Variants in MDM4 observed in about 807,000 individuals in gnomAD.
MDM4 encodes MDM4 regulator of p53, also known as protein Mdm4.
In MDM4, 2 loss-of-function variants were observed where a neutral mutation model predicts 60.2. The ratio of observed to expected loss-of-function variants is 0.03; its 90% confidence interval spans 0.01 to 0.10. The LOEUF is 0.10. MDM4 is among the 10% of genes least tolerant of loss of function. The pLI, the probability that MDM4 is intolerant of heterozygous loss-of-function variation, is 1.00. For synonymous variants in MDM4, 202 were observed against 198.1 expected, an observed-to-expected ratio of 1.02 and a Z score of -0.17; for missense variants, 447 against 577.5, an observed-to-expected ratio of 0.77 and a Z score of 2.32.
At position 204,550,219 on chromosome 1, in the gene MDM4, A is replaced by G. The variant is rs1056941939; in HGVS notation, c.*537A>G. 4.3e-6 allele frequency: 1 copy of G among 232,396 alleles called. No homozygotes were observed. The highest frequency in any genetic ancestry group is 8.5e-6 in the Non-Finnish European group (1 of 118,076). 14.4% of individuals were successfully genotyped at this position (232,396 alleles called of 1,614,324 possible). A position where few individuals can be genotyped will look rare whatever the true frequency, so the allele number is the denominator to read the frequency against. ...TGTCTTGTTCTGTCTCCCAGGCTGA[A>G]GTGCAGTGCAGTGGTATGATCATGG... On this transcript the variant is annotated 3_prime_UTR_variant, in exon 11 of 11. Coordinates refer to ENST00000367182, the MANE Select transcript of MDM4 (RefSeq NM_002393.5).
At chr1:204,528,285 A>G (rs2045623) in intron 3 of MDM4, among the ~76,000 whole-genome samples, 89,117 of 152,046 alleles carry the variant, frequency 0.59, 28,384 homozygotes, top group Non-Finnish European at 0.7. Flanking sequence ...TGCCCAGGGA[A>G]CAGATTTGTC....
intron 9 of MDM4, among the ~76,000 whole-genome samples, chr1:204,545,919 GT>G (rs1662611821): frequency 6.6e-6 from 1 of 151,960 alleles, no homozygotes; most frequent in Non-Finnish European, 1.5e-5. Context: ...TTCATAATTG[GT>G]TTTATTCTTT....
intron 7 of MDM4, among the ~76,000 whole-genome samples, chr1:204,541,694 G>T (rs1237295102): frequency 6.6e-6 from 1 of 152,008 alleles, no homozygotes; most frequent in Non-Finnish European, 1.5e-5. Flanking sequence ...CTTTAATATG[G>T]CACCATTTCA....
In MDM4 at chr1:204,546,815, AATG is replaced by A; in HGVS notation, c.846_848del (p.Asp283del). 1 of 1,612,886 alleles carries A rather than the reference AATG, an allele frequency of 6.2e-7. No individual in the cohort carries two copies. The highest frequency in any genetic ancestry group is 8.5e-7 in the Non-Finnish European group (1 of 1,179,074). On this transcript the variant is annotated inframe_deletion, in exon 10 of 11. Coordinates refer to ENST00000367182, the MANE Select transcript of MDM4 (RefSeq NM_002393.5). Reference sequence around the variant, plus strand: ...TTCACAGGTGATTGAAGTGGGAAAAAATGATGACCTGGAGGACTCTAAGTCCTT... The same window carrying A: ...TTCACAGGTGATTGAAGTGGGAAAAAATGACCTGGAGGACTCTAAGTCCTT...
chr1:204,537,007 C>A, intron 5 of MDM4: 1 of 306,456 alleles, frequency 3.3e-6, no homozygotes, highest in Non-Finnish European at 6.4e-6. Context: ...TATGACTTAA[C>A]ACTTGAAAGT....
Position 204,551,743 on chromosome 1 carries a change from G to C in MDM4, c.*2061G>C, listed in dbSNP as rs1158119222. 2 of 228,984 alleles carry C rather than the reference G, an allele frequency of 8.7e-6. No individual in the cohort carries two copies. The allele number at this position is 228,984 out of a possible 1,614,324, so 14.2% of individuals were successfully genotyped here. On this transcript the variant is annotated 3_prime_UTR_variant, in exon 11 of 11. Coordinates refer to ENST00000367182, the MANE Select transcript of MDM4 (RefSeq NM_002393.5). ...ACTTAAGGATCATAAAAATCATGAG[G>C]GTTGCTTGTTAAAAATGTCCAAACG... is the stretch of plus-strand genomic sequence containing the variant.
At chr1:204,541,159 G>A (rs1662030170) in intron 7 of MDM4, among the ~76,000 whole-genome samples, 1 of 151,934 alleles carries the variant, frequency 6.6e-6, no homozygotes, top group African/African-American at 2.4e-5. Flanking sequence ...ACATGGCTGG[G>A]CACTGTTAGA....
intron 7 of MDM4, among the ~76,000 whole-genome samples, chr1:204,539,702 A>G (rs1439520756): frequency 5.9e-5 from 9 of 151,692 alleles, no homozygotes; most frequent in Non-Finnish European, 1.2e-4. Flanking sequence ...ACGCCCAGCT[A>G]ATTTTTGTAT....
intron 7 of MDM4, among the ~76,000 whole-genome samples, chr1:204,540,426 G>C (rs1661944938): frequency 1.3e-5 from 2 of 152,042 alleles, no homozygotes; most frequent in South Asian, 4.2e-4. Context: ...ATATGTTGTG[G>C]TCAGGCTAAT....
rs190074182 is a variant in MDM4 at position 204,553,341 on chromosome 1, G to A, written c.*3659G>A. The A allele has an allele frequency of 3.0e-4, 67 of 221,322 alleles. No individual in the cohort carries two copies. Among genetic ancestry groups the A allele is most frequent in the African/African-American group, 1.4e-3 (64 of 44,956 alleles). The allele number at this position is 221,322 out of a possible 1,614,324, so 13.7% of individuals were successfully genotyped here. On this transcript the variant is annotated 3_prime_UTR_variant, in exon 11 of 11. Coordinates refer to ENST00000367182, the MANE Select transcript of MDM4 (RefSeq NM_002393.5). ...AAATACTGACATTTACCTTTTAGCT[G>A]TAGTTATTGGGACCATGTGCTCTGG...
chr1:204,537,873 C>G (rs534230866), intron 6 of MDM4: 1 of 672,030 alleles, frequency 1.5e-6, no homozygotes, highest in African/African-American at 1.8e-5. Flanking sequence ...ACTTTATAGT[C>G]ATCTTGGTAC....
chr1:204,526,706 A>C (rs897759069), intron 3 of MDM4, among the ~76,000 whole-genome samples: 18 of 152,040 alleles, frequency 1.2e-4, no homozygotes, highest in African/African-American at 4.3e-4. Flanking sequence ...CTCATGATCC[A>C]TCCGCCTTGG....
In MDM4 at chr1:204,526,355, A is replaced by G. The variant is rs1489736185; in HGVS notation, c.79-5A>G. The G allele has an allele frequency of 8.1e-6, 13 of 1,611,290 alleles. No homozygotes were observed. The highest frequency in any genetic ancestry group is 1.7e-4 in the Middle Eastern group (1 of 6,054). ...AATAGCACATTTATTTTATGTTTAT[A>G]TCAGGTACGACCAAAACTGCCGCTT... On this transcript the variant is annotated splice_region_variant and splice_polypyrimidine_tract_variant and intron_variant, in intron 2 of 10. Transcript: ENST00000367182.
In MDM4 at chr1:204,528,874, C is replaced by T. The variant is rs899873086; in HGVS notation, c.154-1810C>T. 5.1e-5 allele frequency: 81 copies of T among 1,588,132 alleles called. 1 individual carries two copies. The South Asian group carries it at 6.0e-4, about 12-fold the overall frequency. Reference sequence around the variant, plus strand: ...AGCATCCGAGCTGTCATGGTGACGACGTCCTTGAAGCTGAGCCGAATGTTG... The same window carrying T: ...AGCATCCGAGCTGTCATGGTGACGATGTCCTTGAAGCTGAGCCGAATGTTG... On this transcript the variant is annotated intron_variant, in intron 3 of 10. Coordinates refer to ENST00000367182, the MANE Select transcript of MDM4 (RefSeq NM_002393.5).
chr1:204,519,780 G>A (rs1415511414), intron 1 of MDM4, among the ~76,000 whole-genome samples: 1 of 151,836 alleles, frequency 6.6e-6, no homozygotes, highest in East Asian at 1.9e-4. Context: ...CGGCACTGCA[G>A]TCCAGCCTGG....
At chr1:204,529,681 C>G (rs1377655968) in intron 3 of MDM4, 1 of 588,866 alleles carries the variant, frequency 1.7e-6, no homozygotes, top group African/African-American at 1.9e-5. Flanking sequence ...CCCGCCCATA[C>G]AGATAGCTGG....
At chr1:204,525,365 C>T (rs761991232) in intron 1 of MDM4, 119 bp from the exon 2 acceptor site, 229 of 1,410,592 alleles carry the variant, frequency 1.6e-4, no homozygotes, top group Non-Finnish European at 1.9e-4. Flanking sequence ...CATTTGTGTA[C>T]GGTGCTCCAT....
At chr1:204,530,841 A>G in intron 4 of MDM4, 24 bp downstream of exon 4, 1 of 1,614,110 alleles carries the variant, frequency 6.2e-7, no homozygotes, top group Non-Finnish European at 8.5e-7. Flanking sequence ...GGGCTTGCGT[A>G]TCTTTTTGGG....
intron 7 of MDM4, among the ~76,000 whole-genome samples, chr1:204,539,515 T>G (rs558665342): frequency 1.3e-5 from 2 of 150,672 alleles, no homozygotes; most frequent in Admixed American, 6.6e-5. Flanking sequence ...TCTGAAAACT[T>G]GTTTTTTTTT....
Sources: allele counts gnomAD v4.1 joint callset (sites outside exome capture counted in the v4.1 genomes callset), GRCh38; gene constraint gnomAD v4.1.1; transcripts MANE v1.5; gene names NCBI Gene and HGNC (gene_info 2026-07-23, HGNC 2026-07-21).